TTC19: variants seen among roughly 807,000 people sequenced by gnomAD.
TTC19 encodes the protein tetratricopeptide repeat protein 19, mitochondrial.
TTC19 carries 38 observed loss-of-function variants against 49.5 expected under a neutral mutation model. The observed-to-expected ratio is 0.77, with a 90% CI of 0.59 to 1.01. The LOEUF (loss-of-function observed/expected upper bound fraction) is 1.01, where lower values mean the gene tolerates loss of function less well. Among genes scored for constraint, TTC19 ranks in the 50% least tolerant of loss-of-function variants. The pLI, the probability that TTC19 is intolerant of heterozygous loss-of-function variation, is 0.00. For missense variants in TTC19, 475 were observed against 477.7 expected, an observed-to-expected ratio of 0.99 and a Z score of 0.05; for synonymous variants, 204 against 185.2, an observed-to-expected ratio of 1.10 and a Z score of -0.83.
chr17:16,032,277 TC>T, downstream of TTC19: 14 of 1,590,110 alleles, frequency 8.8e-6, no homozygotes, highest in Non-Finnish European at 1.2e-5. Flanking sequence ...TGCACCCTGT[TC>T]CCCTCACTTT....
intron 2 of TTC19, 118 bp downstream of exon 2, chr17:16,000,363 G>C: frequency 6.6e-7 from 1 of 1,522,944 alleles, no homozygotes; most frequent in East Asian, 2.4e-5. Context: ...GGCTCCGCGG[G>C]TAAAATTGCC....
At chr17:16,006,851 CAGA>C (rs1303965123) in intron 7 of TTC19, among the ~76,000 whole-genome samples, 4 of 151,738 alleles carry the variant, frequency 2.6e-5, no homozygotes, top group Admixed American at 2.0e-4. Flanking sequence ...AATTGGGGAG[CAGA>C]AGGAGAAGGT....
At chr17:16,026,830 G>A (rs951378645) in intron 9 of TTC19, 128 bp downstream of exon 9, 79 of 983,784 alleles carry the variant, frequency 8.0e-5, no homozygotes, top group Non-Finnish European at 1.1e-4. Flanking sequence ...AAGACTGGTT[G>A]AATGGCAGAA....
chr17:16,001,597 A>T (rs574166764), intron 2 of TTC19, among the ~76,000 whole-genome samples: 23 of 152,122 alleles, frequency 1.5e-4, no homozygotes, highest in Middle Eastern at 3.2e-3. Flanking sequence ...CTATATGGTC[A>T]CCTCCAGCCT....
At chr17:16,019,812 G>A (rs1228802794) in intron 7 of TTC19, among the ~76,000 whole-genome samples, 1 of 152,080 alleles carries the variant, frequency 6.6e-6, no homozygotes, top group Non-Finnish European at 1.5e-5. Flanking sequence ...TAAAAGTGGA[G>A]TTGCCAGGGT....
intron 2 of TTC19, chr17:16,039,993 T>TCC: frequency 2.6e-6 from 1 of 386,260 alleles, no homozygotes; most frequent in Non-Finnish European, 4.9e-6. Flanking sequence ...TTTCACCATA[T>TCC]TGGTCAGGCT....
Position 16,027,527 on chromosome 17 carries a change from A to G in TTC19, c.*5A>G. Reference sequence around the variant, plus strand: ...ACAAATTCTGTCAAGCTCTAAATCCATTTTTGTGTAGGGAGAATAATGTCT... The same window carrying G: ...ACAAATTCTGTCAAGCTCTAAATCCGTTTTTGTGTAGGGAGAATAATGTCT... On this transcript the variant is annotated 3_prime_UTR_variant, in exon 10 of 10. Transcript: ENST00000261647. 6.2e-7 allele frequency: 1 copy of G among 1,613,920 alleles called. No individual in the cohort carries two copies. Among genetic ancestry groups the G allele is most frequent in the South Asian group, 1.1e-5 (1 of 91,054 alleles).
At chr17:16,029,696 A>C (rs973535058), downstream of TTC19, 4 of 153,774 alleles carry the variant, frequency 2.6e-5, no homozygotes, top group African/African-American at 7.2e-5. Context: ...CTTACCACTT[A>C]AATCATGATA....
Position 15,999,864 on chromosome 17 carries a change from A to T in TTC19, c.16A>T (p.Ser6Cys). 6.7e-7 allele frequency: 1 copy of T among 1,497,350 alleles called. No individual in the cohort carries two copies. Among genetic ancestry groups the T allele is most frequent in the East Asian group, 2.6e-5 (1 of 38,130 alleles). The allele number at this position is 1,497,350 out of a possible 1,614,324, so 92.8% of individuals were successfully genotyped here. A position where few individuals can be genotyped will look rare whatever the true frequency, so the allele number is the denominator to read the frequency against. ...CGGCGGGAGCATGTTCCGGCTCCTG[A>T]GCTGGAGCCTGGGCCGAGGCTTCCT... MFRLLSWSLGRGFLRA... is the reference protein window; with the variant it reads MFRLLCWSLGRGFLRA... Residue 6 changes from serine to cysteine, a missense_variant, in exon 1 of 10, where the codon AGC (serine) becomes TGC (cysteine). By Grantham distance (112) the Ser-to-Cys change is moderately radical. Transcript: ENST00000261647.
At chr17:16,036,067 A>G (rs144334512) in intron 2 of TTC19, among the ~76,000 whole-genome samples, 37 of 152,356 alleles carry the variant, frequency 2.4e-4, no homozygotes, top group East Asian at 7.7e-4. Flanking sequence ...AGGAATCACT[A>G]TGGCAGCTAT....
At chr17:16,014,560 G>A (rs1204136429) in intron 7 of TTC19, among the ~76,000 whole-genome samples, 1 of 152,166 alleles carries the variant, frequency 6.6e-6, no homozygotes, top group Admixed American at 6.5e-5. Flanking sequence ...CATACATTCC[G>A]GAAATCATGA....
intron 7 of TTC19, among the ~76,000 whole-genome samples, chr17:16,022,404 A>G (rs919581033): frequency 1.3e-5 from 2 of 152,244 alleles, no homozygotes; most frequent in Non-Finnish European, 2.9e-5. Context: ...CACTAAAACC[A>G]TTAACACTCA....
intron 7 of TTC19, among the ~76,000 whole-genome samples, chr17:16,017,989 A>G: frequency 6.6e-6 from 1 of 152,176 alleles, no homozygotes; most frequent in South Asian, 2.1e-4. Flanking sequence ...GACTCAGAGG[A>G]AAAAAAATTT....
downstream of TTC19, among the ~76,000 whole-genome samples, chr17:16,034,198 G>C (rs564809243): frequency 6.6e-6 from 1 of 152,304 alleles, no homozygotes; most frequent in East Asian, 1.9e-4. Context: ...GTGTAATACA[G>C]AAGTGAGGAG....
At chr17:16,034,799 T>G (rs1297017559) in intron 2 of TTC19, 2 of 1,613,854 alleles carry the variant, frequency 1.2e-6, no homozygotes, top group Non-Finnish European at 1.7e-6. Context: ...AGGCCCACCC[T>G]GGCGTCTGCC....
chr17:16,034,863 C>G, intron 2 of TTC19: 1 of 1,614,094 alleles, frequency 6.2e-7, no homozygotes. Flanking sequence ...CCGTTCCGTT[C>G]CTAAGTAGCC....
intron 2 of TTC19, among the ~76,000 whole-genome samples, chr17:16,042,662 G>A (rs1024203287): frequency 6.6e-6 from 1 of 152,232 alleles, no homozygotes; most frequent in South Asian, 2.1e-4. Flanking sequence ...AGCCACTGTG[G>A]AGGCCAACTT....
At chr17:16,021,566 G>T (rs1232611376) in intron 7 of TTC19, among the ~76,000 whole-genome samples, 1 of 152,182 alleles carries the variant, frequency 6.6e-6, no homozygotes, top group African/African-American at 2.4e-5. Context: ...TATAGAGGGG[G>T]TAGGGAAGGC....
At chr17:16,027,127 T>C in intron 9 of TTC19, 2 of 553,400 alleles carry the variant, frequency 3.6e-6, no homozygotes, top group Non-Finnish European at 6.5e-6. Context: ...GTATTACACA[T>C]ACCACCATTC....
Sources: allele counts gnomAD v4.1 joint callset (sites outside exome capture counted in the v4.1 genomes callset), GRCh38; gene constraint gnomAD v4.1.1; transcripts MANE v1.5; gene names NCBI Gene and HGNC (gene_info 2026-07-23, HGNC 2026-07-21).